The following OTOG variants were observed in gnomAD, a reference collection of about 807,000 sequenced individuals.
The protein encoded by OTOG is otogelin.
A neutral mutation model predicts 313.8 loss-of-function variants in OTOG; 296 were observed. That is an observed-to-expected ratio of 0.94 (90% CI 0.86 to 1.04). OTOG has a LOEUF of 1.04. Among genes scored for constraint, OTOG ranks in the 50% least tolerant of loss-of-function variants. OTOG has a pLI of 0.00. For synonymous variants in OTOG, 1,533 were observed against 1,554.9 expected, an observed-to-expected ratio of 0.99 and a Z score of 0.33; for missense variants, 3,948 against 3,840.1, an observed-to-expected ratio of 1.03 and a Z score of -0.74.
chr11:17,608,408 A>G lies in OTOG; in HGVS notation c.4269A>G (p.Val1423=). The G allele has an allele frequency of 6.5e-7, 1 of 1,535,912 alleles. No homozygotes were observed. Among genetic ancestry groups the G allele is most frequent in the Non-Finnish European group, 8.8e-7 (1 of 1,140,776 alleles). Residue 1423 remains valine (V), a synonymous_variant, in exon 34 of 56, where the codon GTA becomes GTG. Coordinates refer to ENST00000399397, the MANE Select transcript of OTOG (RefSeq NM_001292063.2). ...RDPRAASCRD[V]PRVEGCVPVC... is the part of the protein sequence containing the mutation. Reference sequence around the variant, plus strand: ...CACGGGCAGCCAGCTGCCGGGACGTACCCAGGTGAGATGCCAGGGGCTGTG... The same window carrying G: ...CACGGGCAGCCAGCTGCCGGGACGTGCCCAGGTGAGATGCCAGGGGCTGTG...
intron 53 of OTOG, among the ~76,000 whole-genome samples, chr11:17,642,873 A>T (rs1002286152): frequency 9.9e-5 from 15 of 152,148 alleles, no homozygotes; most frequent in African/African-American, 3.1e-4. Context: ...CACATGCAAA[A>T]TCACACATGT....
At chr11:17,581,186 A>AG (rs1167119478) in intron 23 of OTOG, among the ~76,000 whole-genome samples, 2 of 152,194 alleles carry the variant, frequency 1.3e-5, no homozygotes, top group African/African-American at 4.8e-5. Context: ...AATAAATAGA[A>AG]GGGGGCGTCG....
At chr11:17,590,842 A>G (rs1355967584) in intron 24 of OTOG, among the ~76,000 whole-genome samples, 2 of 152,170 alleles carry the variant, frequency 1.3e-5, no homozygotes, top group East Asian at 1.9e-4. Flanking sequence ...ACAGATGCCC[A>G]TGGAGTTAAC....
chr11:17,555,869 G>A lies in OTOG; in HGVS notation c.631G>A (p.Ala211Thr), dbSNP rs1589995275. The A allele has an allele frequency of 3.9e-6, 6 of 1,551,046 alleles. No homozygotes were observed. The highest frequency in any genetic ancestry group is 5.2e-6 in the Non-Finnish European group (6 of 1,147,092). The change falls in exon 7 of 56, where the codon GCC becomes ACC. Residue 211 changes from alanine to threonine, a missense_variant. Physicochemically the swap from Ala to Thr is moderately conservative, Grantham distance 58. Transcript: ENST00000399397. ...TGTGGGTGAGCAGGAGATCCATCTG[G>A]CCAAGGAGGTCACCCATGGAGGCAT... ...FFVGEQEIHL[A>T]KEVTHGGMRV...
chr11:17,567,946 C>T (rs1333687202), intron 15 of OTOG, among the ~76,000 whole-genome samples: 1 of 151,962 alleles, frequency 6.6e-6, no homozygotes, highest in African/African-American at 2.4e-5. Flanking sequence ...CCCGCTTTGT[C>T]ACCCAGGCTG....
Position 17,562,046 on chromosome 11 carries a change from AATATATAT to A in OTOG, c.1644+258_1644+265del, listed in dbSNP as rs375919593. 1.5e-3 allele frequency among the ~76,000 whole-genome samples: 204 copies of A among 139,826 alleles called. 1 individual carries two copies. Among genetic ancestry groups the A allele is most frequent in the African/African-American group, 5.3e-3 (198 of 37,468 alleles). The allele number at this position is 139,826 out of a possible 152,430, so 91.7% of individuals were successfully genotyped here. On this transcript the variant is annotated intron_variant, in intron 15 of 55. Transcript: ENST00000399397. ...TTAGGATTTTACTACCTAAAAAAAA[AATATATAT>A]ATATATATATATATATATGTATGTA...
intron 23 of OTOG, among the ~76,000 whole-genome samples, chr11:17,579,939 T>C (rs1220887627): frequency 1.3e-5 from 2 of 152,162 alleles, no homozygotes; most frequent in Non-Finnish European, 2.9e-5. Context: ...CCTCAGGGGC[T>C]TGTCAAAGTG....
In OTOG at chr11:17,645,885, G is replaced by A. The variant is rs1342319529; in HGVS notation, c.8683G>A (p.Ala2895Thr). ...TGTGCAGCTCTTCTGTGCCACCAAT[G>A]CCACCTGGGTGCCCTATACAGTGCA... ...RSVQLFCATN[A>T]TWVPYTVQEP... The change falls in exon 56 of 56, where the codon GCC becomes ACC. Residue 2895 changes from alanine (A) to threonine (T), a missense_variant. Coordinates refer to ENST00000399397, the MANE Select transcript of OTOG (RefSeq NM_001292063.2). The A allele has an allele frequency of 6.4e-7, 1 of 1,550,616 alleles. No homozygotes were observed. The highest frequency in any genetic ancestry group is 2.4e-5 in the East Asian group (1 of 40,916).
intron 39 of OTOG, among the ~76,000 whole-genome samples, chr11:17,626,303 G>A (rs961660398): frequency 2.0e-5 from 3 of 152,190 alleles, no homozygotes; most frequent in African/African-American, 4.8e-5. Context: ...AGCTTGCCAA[G>A]TAGCTGGGGT....
chr11:17,589,515 A>G (rs1368807737), intron 24 of OTOG, among the ~76,000 whole-genome samples: 4 of 152,084 alleles, frequency 2.6e-5, no homozygotes, highest in African/African-American at 9.7e-5. Context: ...CTAGCTCCTC[A>G]CTTGTCCACC....
intron 3 of OTOG, among the ~76,000 whole-genome samples, chr11:17,551,071 C>A (rs1565086906): frequency 6.6e-6 from 1 of 152,156 alleles, no homozygotes; most frequent in Non-Finnish European, 1.5e-5. Flanking sequence ...GGCTTGTTGG[C>A]CCTATGAACA....
intron 38 of OTOG, among the ~76,000 whole-genome samples, chr11:17,613,211 CTT>C (rs1485679658): frequency 8.5e-6 from 1 of 117,882 alleles, no homozygotes; most frequent in Non-Finnish European, 1.7e-5. Context: ...TTCTTTCTTT[CTT>C]TCTTTCTTTC....
chr11:17,636,178 A>C (rs1408350167), intron 47 of OTOG, among the ~76,000 whole-genome samples: 1 of 152,132 alleles, frequency 6.6e-6, no homozygotes, highest in African/African-American at 2.4e-5. Flanking sequence ...GCTTTTTCCA[A>C]TATTTTTATA....
chr11:17,560,466 G>A (rs113473606), intron 12 of OTOG, among the ~76,000 whole-genome samples: 4 of 152,286 alleles, frequency 2.6e-5, no homozygotes, highest in Admixed American at 1.3e-4. Flanking sequence ...GGAGAAGCTC[G>A]TGTGCAGGTT....
At chr11:17,605,300 T>TTC (rs1313483516) in intron 32 of OTOG, among the ~76,000 whole-genome samples, 7 of 152,052 alleles carry the variant, frequency 4.6e-5, no homozygotes, top group Admixed American at 3.3e-4. Flanking sequence ...GCAAGCTCCT[T>TTC]TCTCTCTCTC....
At chr11:17,593,900 TC>T in intron 27 of OTOG, 144 bp downstream of exon 27, 1 of 1,395,790 alleles carries the variant, frequency 7.2e-7, no homozygotes, top group Non-Finnish European at 9.7e-7. Context: ...CCCCTTCTCC[TC>T]TGACATTGCT....
At chr11:17,622,753 C>T (rs562749166) in intron 39 of OTOG, among the ~76,000 whole-genome samples, 3 of 152,318 alleles carry the variant, frequency 2.0e-5, no homozygotes, top group African/African-American at 7.2e-5. Context: ...CATTCATCTG[C>T]TGATGGACAT....
At position 17,610,898 on chromosome 11, in the gene OTOG, AC is replaced by A. The variant is rs2134091813; in HGVS notation, c.5603del (p.Pro1868GlnfsTer99). 6.5e-7 allele frequency: 1 copy of A among 1,548,586 alleles called. No homozygotes were observed. Among genetic ancestry groups the A allele is most frequent in the Non-Finnish European group, 8.7e-7 (1 of 1,146,580 alleles). On this transcript the variant is annotated frameshift_variant, in exon 36 of 56. Coordinates refer to ENST00000399397, the MANE Select transcript of OTOG (RefSeq NM_001292063.2). LOFTEE classifies it high-confidence loss of function. The stretch of plus-strand genomic sequence containing the variant: ...AGGCGCACCCACCCACTCACATAGC[AC>A]CCCCAGCAGCAGGCACAGCTCCAGG... ...TQAHPPTHIA[P>X]PAAGTAPGLL... is the part of the protein sequence containing the mutation.
intron 16 of OTOG, among the ~76,000 whole-genome samples, 187 bp downstream of exon 16, chr11:17,569,475 A>C (rs1169463156): frequency 1.3e-5 from 2 of 152,192 alleles, no homozygotes; most frequent in African/African-American, 4.8e-5. Context: ...GTCCCACCTC[A>C]ACAGGACAGT....
Sources: gnomAD v4.1 joint callset for allele counts (sites outside exome capture counted in the v4.1 genomes callset) on GRCh38, gnomAD v4.1.1 for gene constraint, MANE v1.5 for transcripts, NCBI Gene and HGNC (gene_info 2026-07-23, HGNC 2026-07-21) for gene names.